MIPOL1: variants seen among roughly 807,000 people sequenced by gnomAD.
MIPOL1 encodes the protein mirror-image polydactyly gene 1 protein.
A neutral mutation model predicts 60.9 loss-of-function variants in MIPOL1; 57 were observed. The ratio of observed to expected loss-of-function variants is 0.94; its 90% CI spans 0.76 to 1.17. The LOEUF is 1.17. Ranked by LOEUF, MIPOL1 falls within the 50% of genes most tolerant of loss-of-function variation. The pLI is 0.00. For missense variants in MIPOL1, 551 were observed against 511.6 expected (o/e 1.08, Z -0.74); for synonymous variants, 179 against 168.8 (o/e 1.06, Z -0.47).
chr14:37,217,213 T>C (rs1967879539), intron 1 of MIPOL1, among the ~76,000 whole-genome samples: 1 of 152,148 alleles, frequency 6.6e-6, no homozygotes, highest in Non-Finnish European at 1.5e-5. Context: ...ATTCAAAACC[T>C]GAACAGGCTA....
chr14:37,524,129 G>A (rs948322404), intron 12 of MIPOL1, among the ~76,000 whole-genome samples: 3 of 152,142 alleles, frequency 2.0e-5, no homozygotes, highest in Non-Finnish European at 2.9e-5. Context: ...CTTACAAGCA[G>A]TGGAAATTGT....
intron 7 of MIPOL1, among the ~76,000 whole-genome samples, chr14:37,291,716 C>T (rs902062723): frequency 2.0e-5 from 3 of 151,832 alleles, no homozygotes; most frequent in East Asian, 1.9e-4. Flanking sequence ...AATCCAAGAT[C>T]GAGGTGCTGG....
chr14:37,497,731 G>A (rs2095153993), intron 11 of MIPOL1, among the ~76,000 whole-genome samples: 2 of 152,154 alleles, frequency 1.3e-5, no homozygotes, highest in Admixed American at 1.3e-4. Context: ...AAACATCACT[G>A]CATCCATATT....
intron 5 of MIPOL1, among the ~76,000 whole-genome samples, chr14:37,270,076 A>T (rs2083178870): frequency 6.6e-6 from 1 of 151,974 alleles, no homozygotes; most frequent in African/African-American, 2.4e-5. Flanking sequence ...TGATCTGCCC[A>T]CCTCGGCCTC....
chr14:37,421,133 TCA>T (rs2093866084), intron 10 of MIPOL1, among the ~76,000 whole-genome samples: 1 of 152,162 alleles, frequency 6.6e-6, no homozygotes, highest in Non-Finnish European at 1.5e-5. Context: ...TTTAAATTTA[TCA>T]CAGTCCCATT....
chr14:37,478,455 C>G (rs2094810821), intron 11 of MIPOL1, among the ~76,000 whole-genome samples: 2 of 152,100 alleles, frequency 1.3e-5, no homozygotes, highest in African/African-American at 4.8e-5. Flanking sequence ...AAGGACATTA[C>G]TGATGAAAAT....
At chr14:37,533,101 A>T (rs2095489352) in intron 12 of MIPOL1, among the ~76,000 whole-genome samples, 1 of 152,174 alleles carries the variant, frequency 6.6e-6, no homozygotes, top group South Asian at 2.1e-4. Context: ...AGTATGCATC[A>T]TAACAATTTC....
intron 1 of MIPOL1, among the ~76,000 whole-genome samples, chr14:37,228,943 T>A (rs1001735616): frequency 6.6e-6 from 1 of 152,074 alleles, no homozygotes; most frequent in Non-Finnish European, 1.5e-5. Flanking sequence ...ATGAATAGAT[T>A]TGATTTGGTA....
chr14:37,257,488 T>C (rs1975156249), intron 3 of MIPOL1, among the ~76,000 whole-genome samples: 1 of 152,168 alleles, frequency 6.6e-6, no homozygotes, highest in African/African-American at 2.4e-5. Flanking sequence ...TGGTTTGTTA[T>C]GCAACACCTA....
At chr14:37,444,375 G>C (rs2153568900) in intron 11 of MIPOL1, among the ~76,000 whole-genome samples, 1 of 152,190 alleles carries the variant, frequency 6.6e-6, no homozygotes, top group Middle Eastern at 3.4e-3. Flanking sequence ...AACAATTATG[G>C]AAGACCCATG....
intron 7 of MIPOL1, among the ~76,000 whole-genome samples, chr14:37,296,764 G>C (rs2085744643): frequency 6.6e-6 from 1 of 152,240 alleles, no homozygotes; most frequent in Admixed American, 6.5e-5. Flanking sequence ...GGTAGAATTT[G>C]AATCTCTGAA....
chr14:37,508,718 C>T (rs570114769), intron 12 of MIPOL1, among the ~76,000 whole-genome samples: 1 of 152,274 alleles, frequency 6.6e-6, no homozygotes, highest in Non-Finnish European at 1.5e-5. Flanking sequence ...TCCTCCTTCT[C>T]TTGGCATTTC....
intron 10 of MIPOL1, among the ~76,000 whole-genome samples, chr14:37,390,512 TTACAA>T (rs2093208221): frequency 6.6e-6 from 1 of 151,972 alleles, no homozygotes. Context: ...GACAGGGACT[TTACAA>T]TAGCTATAAT....
chr14:37,513,958 T>C (rs180771411), intron 12 of MIPOL1, among the ~76,000 whole-genome samples: 1 of 152,202 alleles, frequency 6.6e-6, no homozygotes, highest in Non-Finnish European at 1.5e-5. Context: ...CTTTTGGTTT[T>C]TATTAATGCC....
At chr14:37,526,324 A>C (rs1218067753) in intron 12 of MIPOL1, among the ~76,000 whole-genome samples, 1 of 151,138 alleles carries the variant, frequency 6.6e-6, no homozygotes, top group Non-Finnish European at 1.5e-5. Flanking sequence ...TGTACTATAC[A>C]GTGAGAAGGC....
At chr14:37,392,477 G>A (rs1247147231) in intron 10 of MIPOL1, among the ~76,000 whole-genome samples, 1 of 152,052 alleles carries the variant, frequency 6.6e-6, no homozygotes, top group Non-Finnish European at 1.5e-5. Context: ...TACAAATACA[G>A]ACATTTGTAT....
intron 9 of MIPOL1, among the ~76,000 whole-genome samples, chr14:37,355,997 T>G (rs887487174): frequency 8.3e-5 from 12 of 144,888 alleles, no homozygotes; most frequent in African/African-American, 3.0e-4. Context: ...TTTTTAGAGT[T>G]TCCAGTTTTT....
intron 11 of MIPOL1, among the ~76,000 whole-genome samples, chr14:37,467,601 G>T (rs527678031): frequency 6.6e-6 from 1 of 152,198 alleles, no homozygotes; most frequent in African/African-American, 2.4e-5. Flanking sequence ...CTTATCTATG[G>T]GATCTGCTAT....
intron 10 of MIPOL1, among the ~76,000 whole-genome samples, chr14:37,403,691 A>T (rs901606844): frequency 3.3e-5 from 5 of 152,066 alleles, no homozygotes; most frequent in African/African-American, 1.2e-4. Context: ...TTCTTGGTGA[A>T]ATGATTTATT....
Sources: allele counts gnomAD v4.1 joint callset (sites outside exome capture counted in the v4.1 genomes callset), GRCh38; gene constraint gnomAD v4.1.1; transcripts MANE v1.5; gene names NCBI Gene and HGNC (gene_info 2026-07-23, HGNC 2026-07-21).